The following WWOX variants were observed in gnomAD, a reference collection of about 807,000 sequenced individuals.
WWOX encodes the protein WW domain-containing oxidoreductase.
Under a neutral mutation model 46.2 loss-of-function variants are expected in WWOX, and 69 were observed. The observed-to-expected ratio is 1.49, with a 90% CI of 1.23 to 1.82. The LOEUF (loss-of-function observed/expected upper bound fraction) is 1.82. WWOX is among the 40% of genes most tolerant of loss of function. The pLI is 0.00. For synonymous variants in WWOX, 359 were observed against 202.6 expected (o/e 1.77, Z -6.56); for missense variants, 919 against 542.6 (o/e 1.69, Z -6.89).
Position 78,099,688 on chromosome 16 carries a change from C to G in WWOX, c.-91C>G, listed in dbSNP as rs1009065222. On this transcript the variant is annotated 5_prime_UTR_variant, in exon 1 of 9. Transcript: ENST00000566780. ...AGGCGTGAGCGGTCGGGCCCCGACG[C>G]GCGCGGGTCTCGTTTGGAGCGGGAG... 4 of 1,435,494 alleles carry G rather than the reference C, an allele frequency of 2.8e-6. No homozygotes were observed. The highest frequency in any genetic ancestry group is 3.7e-6 in the Non-Finnish European group (4 of 1,092,202). The allele number at this position is 1,435,494 out of a possible 1,614,324, so 88.9% of individuals were successfully genotyped here. A position where few individuals can be genotyped will look rare whatever the true frequency, so the allele number is the denominator to read the frequency against.
intron 8 of WWOX, among the ~76,000 whole-genome samples, chr16:78,537,531 G>A (rs2043788402): frequency 1.3e-5 from 2 of 152,086 alleles, no homozygotes; most frequent in Non-Finnish European, 2.9e-5. Context: ...CTTCTCTTGT[G>A]TCTTATAATC....
At chr16:78,886,240 T>A (rs1293797535) in intron 8 of WWOX, among the ~76,000 whole-genome samples, 1 of 150,956 alleles carries the variant, frequency 6.6e-6, no homozygotes, top group African/African-American at 2.4e-5. Context: ...TTTTTTTTTT[T>A]AAAGTATACC....
chr16:78,565,562 C>A (rs955357289), intron 8 of WWOX, among the ~76,000 whole-genome samples: 4 of 152,276 alleles, frequency 2.6e-5, no homozygotes, highest in African/African-American at 9.6e-5. Flanking sequence ...TTGGGAATAC[C>A]CAGATAATCT....
In WWOX at chr16:78,339,951, C is replaced by G. The variant is rs2080975275; in HGVS notation, c.517-46909C>G. Among the ~76,000 whole-genome samples the G allele has an allele frequency of 2.5e-5, 2 of 81,032 alleles. 1 individual carries two copies. Among genetic ancestry groups the G allele is most frequent in the African/African-American group, 8.6e-5 (2 of 23,142 alleles). 53.2% of individuals were successfully genotyped at this position (81,032 alleles called of 152,430 possible). A position where few individuals can be genotyped will look rare whatever the true frequency, so the allele number is the denominator to read the frequency against. ...CAGATGGCCTCATAAGTATTTTTAT[C>G]CTCTATTTATCTTTGTCTTTGTGTT... On this transcript the variant is annotated intron_variant, in intron 5 of 8. Transcript: ENST00000566780.
chr16:78,762,604 G>C (rs1329854170), intron 8 of WWOX, among the ~76,000 whole-genome samples: 1 of 152,188 alleles, frequency 6.6e-6, no homozygotes, highest in African/African-American at 2.4e-5. Flanking sequence ...GGCACAGGGG[G>C]CTCGGGGCAC....
intron 8 of WWOX, among the ~76,000 whole-genome samples, chr16:78,512,204 G>A (rs370731988): frequency 4.9e-4 from 75 of 152,260 alleles, no homozygotes; most frequent in African/African-American, 1.5e-3. Flanking sequence ...AAAGGAAAAA[G>A]CCATATACAT....
chr16:78,892,896 G>C (rs2044621827), intron 8 of WWOX, among the ~76,000 whole-genome samples: 1 of 152,202 alleles, frequency 6.6e-6, no homozygotes, highest in African/African-American at 2.4e-5. Flanking sequence ...CCTACGCCAA[G>C]TCCTAGGCTT....
chr16:78,765,566 C>A (rs866744828), intron 8 of WWOX, among the ~76,000 whole-genome samples: 2 of 152,192 alleles, frequency 1.3e-5, no homozygotes, highest in Middle Eastern at 3.4e-3. Context: ...GTAATCCTGG[C>A]TACTCGGGAG....
intron 8 of WWOX, among the ~76,000 whole-genome samples, chr16:79,158,244 A>G (rs796823405): frequency 6.6e-6 from 1 of 152,230 alleles, no homozygotes; most frequent in South Asian, 2.1e-4. Context: ...GATGATCAGA[A>G]ACATTTTCAA....
In WWOX at chr16:78,924,640, A is replaced by G. The variant is rs181532235; in HGVS notation, c.1057-286968A>G. Among the ~76,000 whole-genome samples, 12 of 152,302 alleles carry G rather than the reference A, an allele frequency of 7.9e-5. No individual in the cohort carries two copies. In the East Asian group the frequency reaches 2.3e-3, roughly 29 times the overall value. ...CCTTTTGACTGTTTAGAAAGTGTTAATTTACTCCACGATTATCCATTCAAC... is the reference window on the plus strand; with the variant it reads ...CCTTTTGACTGTTTAGAAAGTGTTAGTTTACTCCACGATTATCCATTCAAC... On this transcript the variant is annotated intron_variant, in intron 8 of 8. Coordinates refer to ENST00000566780, the MANE Select transcript of WWOX (RefSeq NM_016373.4).
At chr16:78,717,421 C>T (rs1028398132) in intron 8 of WWOX, among the ~76,000 whole-genome samples, 1 of 152,158 alleles carries the variant, frequency 6.6e-6, no homozygotes, top group African/African-American at 2.4e-5. Flanking sequence ...AGCTCCTTAT[C>T]TTGTTCATTG....
At chr16:78,126,174 C>G (rs1273594371) in intron 4 of WWOX, among the ~76,000 whole-genome samples, 1 of 152,076 alleles carries the variant, frequency 6.6e-6, no homozygotes, top group Non-Finnish European at 1.5e-5. Context: ...CGGGTGGTTT[C>G]CAGCTTTTTA....
intron 8 of WWOX, among the ~76,000 whole-genome samples, chr16:79,054,222 T>C (rs921349850): frequency 1.3e-5 from 2 of 152,204 alleles, no homozygotes; most frequent in Non-Finnish European, 2.9e-5. Context: ...CAACGGGGAA[T>C]CTTTCAGAGA....
intron 6 of WWOX, among the ~76,000 whole-genome samples, chr16:78,417,052 T>TG: frequency 3.3e-5 from 5 of 152,002 alleles, no homozygotes; most frequent in African/African-American, 1.2e-4. Context: ...TGTGTGTGTG[T>TG]TTGCTTCTTT....
chr16:78,960,897 G>T (rs2046259107), intron 8 of WWOX, among the ~76,000 whole-genome samples: 1 of 152,180 alleles, frequency 6.6e-6, no homozygotes, highest in Non-Finnish European at 1.5e-5. Context: ...GATGTCAAAA[G>T]TAAAGAAGTT....
In WWOX at chr16:79,212,140, C is replaced by T. The variant is rs1374060044; in HGVS notation, c.*344C>T. 9 of 1,520,648 alleles carry T rather than the reference C, an allele frequency of 5.9e-6. No homozygotes were observed. The highest frequency in any genetic ancestry group is 1.7e-4 in the Middle Eastern group (1 of 5,840). The allele number at this position is 1,520,648 out of a possible 1,614,324, so 94.2% of individuals were successfully genotyped here. A position where few individuals can be genotyped will look rare whatever the true frequency, so the allele number is the denominator to read the frequency against. On this transcript the variant is annotated 3_prime_UTR_variant, in exon 9 of 9. Coordinates refer to ENST00000566780, the MANE Select transcript of WWOX (RefSeq NM_016373.4). ...ACTGTTATAGAATAGCCTGAGGTCC[C>T]CTCGTCCCATCCAGCTACCACCACG...
At chr16:79,093,016 C>T (rs767442294) in intron 8 of WWOX, among the ~76,000 whole-genome samples, 14 of 152,260 alleles carry the variant, frequency 9.2e-5, no homozygotes, top group African/African-American at 3.1e-4. Flanking sequence ...ATAGCAAAAA[C>T]CGCAATTACT....
intron 8 of WWOX, among the ~76,000 whole-genome samples, chr16:78,955,394 G>T (rs1410841417): frequency 2.0e-5 from 3 of 152,164 alleles, no homozygotes; most frequent in Non-Finnish European, 4.4e-5. Context: ...CAGACTTGAG[G>T]CAAGTGAGAG....
rs72628246 is a variant in WWOX at position 78,408,241 on chromosome 16, C to T, written c.606-16629C>T. 6.9e-3 allele frequency among the ~76,000 whole-genome samples: 1,053 copies of T among 152,278 alleles called. 23 individuals are homozygous for T. In the East Asian group the frequency reaches 0.084, roughly 12 times the overall value. On this transcript the variant is annotated intron_variant, in intron 6 of 8. Coordinates refer to ENST00000566780, the MANE Select transcript of WWOX (RefSeq NM_016373.4). ...CACCTTTCACCTATTTTACATATTC[C>T]TGCCCTTCCCTAACTGGTTTCCTAT...
Sources: allele counts gnomAD v4.1 joint callset (sites outside exome capture counted in the v4.1 genomes callset), GRCh38; gene constraint gnomAD v4.1.1; transcripts MANE v1.5; gene names NCBI Gene and HGNC (gene_info 2026-07-23, HGNC 2026-07-21).